The following ATP10B variants were observed in gnomAD, a reference collection of about 807,000 sequenced individuals.
ATP10B encodes ATPase phospholipid transporting 10B (putative).
Under a neutral mutation model 141.2 loss-of-function variants are expected in ATP10B, and 122 were observed. The observed-to-expected ratio is 0.86, with a 90% CI of 0.75 to 1.00. The LOEUF is 1.00. Among genes scored for constraint, ATP10B ranks in the 50% least tolerant of loss-of-function variants. The probability of loss-of-function intolerance (pLI) is 0.00; values close to 1 mark genes in which losing one functional copy is unlikely to be tolerated. For missense variants in ATP10B, 1,876 were observed against 1,825.3 expected, an observed-to-expected ratio of 1.03 and a Z score of -0.51; for synonymous variants, 685 against 692.0, an observed-to-expected ratio of 0.99 and a Z score of 0.16.
At chr5:160,695,438 G>A (rs2127754783) in intron 3 of ATP10B, among the ~76,000 whole-genome samples, 1 of 152,240 alleles carries the variant, frequency 6.6e-6, no homozygotes, top group African/African-American at 2.4e-5. Flanking sequence ...ATCAGGGAAT[G>A]AGTGAGAGGT....
intron 24 of ATP10B, among the ~76,000 whole-genome samples, chr5:160,587,007 C>T (rs192389643): frequency 1.1e-4 from 17 of 152,116 alleles, no homozygotes; most frequent in East Asian, 5.8e-4. Context: ...TTGGTGTTTT[C>T]GTCATGAAAT....
chr5:160,694,300 G>A (rs935133203), intron 3 of ATP10B, among the ~76,000 whole-genome samples: 13 of 152,176 alleles, frequency 8.5e-5, no homozygotes, highest in African/African-American at 2.4e-4. Context: ...GGGCACACCT[G>A]AAGAACTCCC....
At chr5:160,845,521 T>C (rs1260204129) in intron 1 of ATP10B, among the ~76,000 whole-genome samples, 2 of 152,178 alleles carry the variant, frequency 1.3e-5, no homozygotes, top group African/African-American at 4.8e-5. Flanking sequence ...GTTCACTTTG[T>C]TATAGTTCAT....
chr5:160,632,423 G>A, intron 12 of ATP10B, 56 bp from the exon 13 acceptor site: 1 of 1,544,384 alleles, frequency 6.5e-7, no homozygotes, highest in South Asian at 1.1e-5. Context: ...GACCATGTTG[G>A]GGAAAACCTA....
chr5:160,639,541 C>T (rs746866888), intron 10 of ATP10B, among the ~76,000 whole-genome samples: 56 of 152,224 alleles, frequency 3.7e-4, no homozygotes, highest in Non-Finnish European at 5.1e-4. Flanking sequence ...AGGAAGGAAC[C>T]ACAGACTAAG....
intron 15 of ATP10B, among the ~76,000 whole-genome samples, chr5:160,618,742 G>A (rs577589072): frequency 3.7e-4 from 56 of 152,130 alleles, no homozygotes; most frequent in Non-Finnish European, 5.7e-4. Context: ...AGGTTGGCTG[G>A]TGTGGGGTGG....
chr5:160,875,203 A>T, the ATP10B span, among the ~76,000 whole-genome samples: 1 of 109,162 alleles, frequency 9.2e-6, no homozygotes, highest in South Asian at 3.2e-4. Context: ...AAACCCTACA[A>T]GCCAGAAGAG....
rs140063722 is a variant in ATP10B, at chr5:160,832,346, T to C, written c.-576+19595A>G. The stretch of plus-strand genomic sequence containing the variant: ...AGAAATTGCCTGGATAAGTGATGGC[T>C]CAACCAATATAACAAAATACTATAT... On this transcript the variant is annotated intron_variant, in intron 1 of 25. Coordinates refer to ENST00000327245, the MANE Select transcript of ATP10B (RefSeq NM_025153.3). Among the ~76,000 whole-genome samples the C allele has an allele frequency of 6.0e-3, 913 of 152,214 alleles. 12 individuals are homozygous for C. The highest frequency in any genetic ancestry group is 0.021 in the African/African-American group (868 of 41,540).
At chr5:160,818,158 TTAAAC>T (rs1477214980) in intron 1 of ATP10B, among the ~76,000 whole-genome samples, 1 of 152,102 alleles carries the variant, frequency 6.6e-6, no homozygotes, top group African/African-American at 2.4e-5. Flanking sequence ...TGGGATCTAA[TTAAAC>T]TAAAGAGCTT....
chr5:160,656,936 T>G (rs1235532349), intron 7 of ATP10B, among the ~76,000 whole-genome samples: 1 of 152,182 alleles, frequency 6.6e-6, no homozygotes, highest in Non-Finnish European at 1.5e-5. Flanking sequence ...GATTAGTGAC[T>G]GCCATGCTTC....
At position 160,612,735 on chromosome 5, in the gene ATP10B, C is replaced by G; in HGVS notation, c.2838+6G>C. On this transcript the variant is annotated splice_donor_region_variant and intron_variant, in intron 18 of 25. Coordinates refer to ENST00000327245, the MANE Select transcript of ATP10B (RefSeq NM_025153.3). ...CTGCAGATATCAATACAGAGAATCA[C>G]CTCACCTGATTCTCTGTATTGATGG... 6.2e-7 allele frequency: 1 copy of G among 1,606,624 alleles called. No homozygotes were observed. Among genetic ancestry groups the G allele is most frequent in the Non-Finnish European group, 8.5e-7 (1 of 1,173,888 alleles).
intron 18 of ATP10B, among the ~76,000 whole-genome samples, chr5:160,608,790 C>T (rs543090375): frequency 1.2e-3 from 175 of 152,128 alleles, no homozygotes; most frequent in African/African-American, 4.1e-3. Flanking sequence ...TGATTTTTTT[C>T]CTGTAAATTT....
intron 1 of ATP10B, among the ~76,000 whole-genome samples, chr5:160,848,210 T>C (rs150759307): frequency 8.7e-4 from 132 of 152,250 alleles, no homozygotes; most frequent in African/African-American, 3.1e-3. Context: ...CCAACAGAAA[T>C]GCTATTGAGA....
chr5:160,717,307 A>G (rs1715777529), intron 2 of ATP10B, among the ~76,000 whole-genome samples: 1 of 152,214 alleles, frequency 6.6e-6, no homozygotes, highest in Admixed American at 6.5e-5. Context: ...TAAAACAAAA[A>G]TGATATAATG....
chr5:160,643,226 T>C (rs889992873), intron 9 of ATP10B, among the ~76,000 whole-genome samples: 3 of 152,224 alleles, frequency 2.0e-5, no homozygotes, highest in African/African-American at 4.8e-5. Context: ...TTATGGTAGA[T>C]GGATATTTAA....
intron 2 of ATP10B, among the ~76,000 whole-genome samples, chr5:160,738,933 T>C (rs1338738246): frequency 1.3e-5 from 2 of 152,184 alleles, no homozygotes; most frequent in African/African-American, 4.8e-5. Flanking sequence ...AAGGAAACTC[T>C]GTAGCAATGT....
rs1297123697 is a variant in ATP10B, at chr5:160,810,377, T to C, written c.-575-24574A>G. On this transcript the variant is annotated intron_variant, in intron 1 of 25. Coordinates refer to ENST00000327245, the MANE Select transcript of ATP10B (RefSeq NM_025153.3). ...TTAAAGTTTTAAAAATATTCCTAAA[T>C]GTATGAGATTTTTAAAAAGTTATCT... 2.0e-5 allele frequency among the ~76,000 whole-genome samples: 3 copies of C among 148,262 alleles called. No homozygotes were observed. The Admixed American group carries it at 2.0e-4, about 10-fold the overall frequency.
intron 2 of ATP10B, among the ~76,000 whole-genome samples, chr5:160,779,747 G>C (rs967345769): frequency 2.6e-5 from 4 of 152,118 alleles, no homozygotes; most frequent in Admixed American, 6.5e-5. Flanking sequence ...TTCTTTTAAG[G>C]CAGTTAATTT....
At chr5:160,704,154 C>T (rs986374229) in intron 3 of ATP10B, among the ~76,000 whole-genome samples, 164 of 152,150 alleles carry the variant, frequency 1.1e-3, no homozygotes, top group Admixed American at 2.6e-3. Flanking sequence ...AACTCCTGGG[C>T]GATCCTCTCG....
Sources: gnomAD v4.1 joint callset for allele counts (sites outside exome capture counted in the v4.1 genomes callset) on GRCh38, gnomAD v4.1.1 for gene constraint, MANE v1.5 for transcripts, NCBI Gene and HGNC (gene_info 2026-07-23, HGNC 2026-07-21) for gene names.